PRKCA: variants seen among roughly 807,000 people sequenced by gnomAD.
The protein encoded by PRKCA is protein kinase C alpha, also known as protein kinase C alpha type.
PRKCA carries 27 observed loss-of-function variants against 87.0 expected under a neutral mutation model. The observed-to-expected ratio is 0.31, with a 90% CI of 0.23 to 0.43. The LOEUF is 0.43. Among genes scored for constraint, PRKCA ranks in the 20% least tolerant of loss-of-function variants. The pLI is 1.00. For missense variants in PRKCA, 518 were observed against 852.3 expected (o/e 0.61, Z 4.88); for synonymous variants, 329 against 311.1 (o/e 1.06, Z -0.61).
chr17:66,572,258 G>A (rs1156811316), intron 3 of PRKCA, among the ~76,000 whole-genome samples: 1 of 152,204 alleles, frequency 6.6e-6, no homozygotes, highest in Non-Finnish European at 1.5e-5. Context: ...CCTGAGGTCA[G>A]GAGTTCGAGA....
At chr17:66,342,839 G>A (rs1907127418) in intron 2 of PRKCA, among the ~76,000 whole-genome samples, 1 of 152,130 alleles carries the variant, frequency 6.6e-6, no homozygotes, top group Admixed American at 6.5e-5. Flanking sequence ...AATTATATCA[G>A]AAGTGAAAAT....
At chr17:66,778,542 G>A (rs1975121225) in intron 14 of PRKCA, among the ~76,000 whole-genome samples, 4 of 151,934 alleles carry the variant, frequency 2.6e-5, no homozygotes, top group Admixed American at 2.6e-4. Flanking sequence ...AAAAGAAAAC[G>A]GTGATATTCT....
At chr17:66,738,665 C>T in intron 10 of PRKCA, 99 bp from the exon 11 acceptor site, 2 of 902,610 alleles carry the variant, frequency 2.2e-6, no homozygotes, top group Non-Finnish European at 3.6e-6. Flanking sequence ...ATGCAGTCCC[C>T]ATTTAACTAA....
At chr17:66,345,191 G>A (rs1169422420) in intron 2 of PRKCA, among the ~76,000 whole-genome samples, 3 of 152,200 alleles carry the variant, frequency 2.0e-5, no homozygotes, top group Admixed American at 2.0e-4. Flanking sequence ...CAGGATTACA[G>A]AATTGTTATC....
chr17:66,758,227 T>G (rs1354170841), intron 13 of PRKCA, among the ~76,000 whole-genome samples: 1 of 152,180 alleles, frequency 6.6e-6, no homozygotes, highest in Non-Finnish European at 1.5e-5. Flanking sequence ...AGCAGAAAAT[T>G]TTTGTGCTCT....
chr17:66,422,358 G>A (rs1046747434), intron 2 of PRKCA, among the ~76,000 whole-genome samples: 1 of 152,170 alleles, frequency 6.6e-6, no homozygotes, highest in Non-Finnish European at 1.5e-5. Context: ...TATTTGATGT[G>A]TCATGGATTA....
At chr17:66,504,993 C>T (rs975642373) in intron 3 of PRKCA, among the ~76,000 whole-genome samples, 1 of 152,174 alleles carries the variant, frequency 6.6e-6, no homozygotes, top group Non-Finnish European at 1.5e-5. Flanking sequence ...TCTGAAACCA[C>T]CCTCGGCACT....
chr17:66,539,481 G>A (rs1967906623), intron 3 of PRKCA, among the ~76,000 whole-genome samples: 1 of 150,638 alleles, frequency 6.6e-6, no homozygotes, highest in African/African-American at 2.4e-5. Context: ...TCGGCTCACT[G>A]CAAGCTCCGC....
At chr17:66,645,010 C>G (rs1029490467) in intron 4 of PRKCA, among the ~76,000 whole-genome samples, 1 of 151,966 alleles carries the variant, frequency 6.6e-6, no homozygotes, top group Non-Finnish European at 1.5e-5. Context: ...AAAAAATCCT[C>G]TGTTTAACAT....
chr17:66,762,224 A>G (rs1974702104), intron 13 of PRKCA, among the ~76,000 whole-genome samples: 1 of 152,184 alleles, frequency 6.6e-6, no homozygotes, highest in Admixed American at 6.5e-5. Context: ...CCTCTGAGCC[A>G]AGTTTAGTTT....
chr17:66,660,473 T>A (rs2143895177), intron 5 of PRKCA, among the ~76,000 whole-genome samples: 1 of 152,278 alleles, frequency 6.6e-6, no homozygotes, highest in East Asian at 1.9e-4. Context: ...ATTTCCATGT[T>A]AGGGGGTGCT....
intron 14 of PRKCA, among the ~76,000 whole-genome samples, chr17:66,781,906 G>A (rs1204453970): frequency 6.6e-6 from 1 of 150,698 alleles, no homozygotes; most frequent in Admixed American, 6.6e-5. Flanking sequence ...GTGTGTGTGT[G>A]TGTGTGTGTG....
chr17:66,438,867 T>G (rs1913558529), intron 2 of PRKCA, among the ~76,000 whole-genome samples: 1 of 152,172 alleles, frequency 6.6e-6, no homozygotes, highest in African/African-American at 2.4e-5. Context: ...CCCCCCATGA[T>G]TCAATTATCT....
intron 14 of PRKCA, among the ~76,000 whole-genome samples, chr17:66,783,797 G>A (rs1975305158): frequency 6.6e-6 from 1 of 152,196 alleles, no homozygotes; most frequent in Non-Finnish European, 1.5e-5. Context: ...CATTGTCTGT[G>A]ACTTGGCCCC....
intron 13 of PRKCA, among the ~76,000 whole-genome samples, chr17:66,765,494 CTT>C: frequency 1.8e-5 from 2 of 111,968 alleles, no homozygotes; most frequent in African/African-American, 3.5e-5. Flanking sequence ...ATATATTTGT[CTT>C]TATATATATA....
chr17:66,657,883 A>T (rs1971779830), intron 5 of PRKCA, among the ~76,000 whole-genome samples: 1 of 152,194 alleles, frequency 6.6e-6, no homozygotes, highest in Admixed American at 6.5e-5. Flanking sequence ...AGCATACTTT[A>T]CATGACCAAC....
In PRKCA at chr17:66,372,411, G is replaced by A. The variant is rs192107197; in HGVS notation, c.205+66284G>A. 3.1e-3 allele frequency among the ~76,000 whole-genome samples: 471 copies of A among 152,196 alleles called. 2 individuals are homozygous for A. Among genetic ancestry groups the A allele is most frequent in the African/African-American group, 0.011 (456 of 41,500 alleles). On this transcript the variant is annotated intron_variant, in intron 2 of 16. Coordinates refer to ENST00000413366, the MANE Select transcript of PRKCA (RefSeq NM_002737.3). ...GTTTTGATTTCATAGGTAATTGGGC[G>A]GTACTGATGAATCACTAGGTTTTTT...
intron 2 of PRKCA, among the ~76,000 whole-genome samples, chr17:66,462,129 A>G (rs886794579): frequency 6.6e-6 from 1 of 152,128 alleles, no homozygotes; most frequent in Non-Finnish European, 1.5e-5. Flanking sequence ...GTTTGAACTC[A>G]AGTTGGACAG....
intron 3 of PRKCA, among the ~76,000 whole-genome samples, chr17:66,534,831 G>T (rs1261750986): frequency 6.6e-6 from 1 of 152,182 alleles, no homozygotes; most frequent in East Asian, 1.9e-4. Context: ...ACAGTGACAT[G>T]AAGGGGAATT....
Sources: gnomAD v4.1 joint callset for allele counts (sites outside exome capture counted in the v4.1 genomes callset) on GRCh38, gnomAD v4.1.1 for gene constraint, MANE v1.5 for transcripts, NCBI Gene and HGNC (gene_info 2026-07-23, HGNC 2026-07-21) for gene names.